The following RPS6KC1 variants were observed in gnomAD, a reference collection of about 807,000 sequenced individuals.
RPS6KC1 encodes the protein ribosomal protein S6 kinase C1.
RPS6KC1 carries 54 observed loss-of-function variants against 103.8 expected under a neutral mutation model. That is an observed-to-expected ratio of 0.52 (90% CI 0.42 to 0.65). RPS6KC1 has a LOEUF of 0.65. Among genes scored for constraint, RPS6KC1 ranks in the 30% least tolerant of loss-of-function variants. The pLI, the probability that RPS6KC1 is intolerant of heterozygous loss-of-function variation, is 0.00. For missense variants in RPS6KC1, 1,151 were observed against 1,253.8 expected, an observed-to-expected ratio of 0.92 and a Z score of 1.24; for synonymous variants, 439 against 438.7, an observed-to-expected ratio of 1.00 and a Z score of -0.01.
the RPS6KC1 span, among the ~76,000 whole-genome samples, chr1:213,744,257 T>C: frequency 3.3e-5 from 5 of 152,026 alleles, no homozygotes; most frequent in Admixed American, 6.6e-5. Flanking sequence ...TGTTTATCCA[T>C]GTAAACAAAA....
chr1:213,785,046 T>A, the RPS6KC1 span, among the ~76,000 whole-genome samples: 1 of 152,222 alleles, frequency 6.6e-6, no homozygotes. Flanking sequence ...CATCTGTGCC[T>A]TGCTCTGATG....
intron 10 of RPS6KC1, among the ~76,000 whole-genome samples, chr1:213,233,261 G>A (rs759562408): frequency 1.3e-5 from 2 of 152,110 alleles, no homozygotes; most frequent in Non-Finnish European, 2.9e-5. Flanking sequence ...GGGGCTCTGT[G>A]GTCTCTCAGG....
At chr1:213,593,382 A>G in the RPS6KC1 span, among the ~76,000 whole-genome samples, 1 of 152,342 alleles carries the variant, frequency 6.6e-6, no homozygotes, top group African/African-American at 2.4e-5. Flanking sequence ...AGGGAGACCA[A>G]TTAGGAGGCT....
chr1:213,758,022 A>G, the RPS6KC1 span, among the ~76,000 whole-genome samples: 1 of 152,144 alleles, frequency 6.6e-6, no homozygotes, highest in African/African-American at 2.4e-5. Context: ...AATATTTTTA[A>G]TACTGCTCAT....
intron 8 of RPS6KC1, among the ~76,000 whole-genome samples, chr1:213,195,588 A>G (rs878975328): frequency 2.6e-5 from 4 of 152,014 alleles, no homozygotes; most frequent in African/African-American, 4.8e-5. Context: ...TACCCATTGT[A>G]TAGTCTTTTC....
chr1:213,733,117 T>G, the RPS6KC1 span, among the ~76,000 whole-genome samples: 1 of 152,258 alleles, frequency 6.6e-6, no homozygotes, highest in African/African-American at 2.4e-5. Flanking sequence ...GGAGTGCAGA[T>G]ACCTCTTTGA....
At chr1:213,142,802 G>C (rs936147626) in intron 6 of RPS6KC1, among the ~76,000 whole-genome samples, 1 of 151,946 alleles carries the variant, frequency 6.6e-6, no homozygotes, top group African/African-American at 2.4e-5. Flanking sequence ...TTAAATTAAG[G>C]TATGTACATT....
intron 6 of RPS6KC1, among the ~76,000 whole-genome samples, chr1:213,158,817 G>C (rs938859977): frequency 2.0e-5 from 3 of 152,058 alleles, no homozygotes; most frequent in African/African-American, 7.2e-5. Flanking sequence ...AGGAACCCTA[G>C]AAAACTAGTG....
chr1:213,470,913 C>T, the RPS6KC1 span, among the ~76,000 whole-genome samples: 1 of 152,080 alleles, frequency 6.6e-6, no homozygotes, highest in African/African-American at 2.4e-5. Flanking sequence ...GCCTGAGCCA[C>T]GATGCCTGGC....
At chr1:213,407,798 A>G in the RPS6KC1 span, among the ~76,000 whole-genome samples, 1 of 152,024 alleles carries the variant, frequency 6.6e-6, no homozygotes, top group Admixed American at 6.6e-5. Context: ...GGCTGCATGG[A>G]AGAGATATGT....
At chr1:213,278,920 G>A (rs949089535), downstream of RPS6KC1, among the ~76,000 whole-genome samples, 1 of 151,934 alleles carries the variant, frequency 6.6e-6, no homozygotes, top group African/African-American at 2.4e-5. Context: ...TGGAGAGAAG[G>A]AAAGTTCTCG....
At chr1:213,279,473 G>T (rs2095118603), downstream of RPS6KC1, among the ~76,000 whole-genome samples, 1 of 152,126 alleles carries the variant, frequency 6.6e-6, no homozygotes, top group Admixed American at 6.5e-5. Context: ...TTCCCCCATT[G>T]GTTGATAATG....
the RPS6KC1 span, among the ~76,000 whole-genome samples, chr1:213,806,353 T>TAAAAAG: frequency 1.3e-5 from 2 of 151,610 alleles, no homozygotes; most frequent in Admixed American, 6.6e-5. Context: ...ATAAATAAAA[T>TAAAAAG]AAAAAGAAAA....
chr1:213,715,355 G>T, the RPS6KC1 span, among the ~76,000 whole-genome samples: 1 of 152,162 alleles, frequency 6.6e-6, no homozygotes, highest in Admixed American at 6.5e-5. Context: ...CTTCATAGCG[G>T]GTAAGACCAT....
intron 14 of RPS6KC1, among the ~76,000 whole-genome samples, chr1:213,267,417 A>C (rs1406535656): frequency 1.3e-5 from 2 of 152,098 alleles, no homozygotes; most frequent in Non-Finnish European, 2.9e-5. Flanking sequence ...ATCCAACAGC[A>C]ATGATAAACT....
the RPS6KC1 span, among the ~76,000 whole-genome samples, chr1:213,439,733 C>G: frequency 6.6e-6 from 1 of 151,974 alleles, no homozygotes; most frequent in Non-Finnish European, 1.5e-5. Context: ...TCTTATTATC[C>G]TGTTATCACT....
chr1:213,052,946 A>G (rs1239926558), intron 1 of RPS6KC1, among the ~76,000 whole-genome samples: 2 of 152,218 alleles, frequency 1.3e-5, no homozygotes, highest in African/African-American at 4.8e-5. Context: ...GGAGGGATAG[A>G]TGAACATGTC....
At chr1:213,121,341 A>C (rs1289055234) in intron 5 of RPS6KC1, among the ~76,000 whole-genome samples, 1 of 152,238 alleles carries the variant, frequency 6.6e-6, no homozygotes, top group Non-Finnish European at 1.5e-5. Flanking sequence ...AGTTTGTTTA[A>C]TATGAAATTG....
Position 213,129,813 on chromosome 1 carries a change from G to GGAA in RPS6KC1, c.768_770dup (p.Glu256dup). ...AATTAATAAAGCTGGCTTTAAAAAAGGAAGAAGAAGACGACTATGAAGCTG... is the reference window on the plus strand; with the variant it reads ...AATTAATAAAGCTGGCTTTAAAAAAGGAAGAAGAAGAAGACGACTATGAAGCTG... On this transcript the variant is annotated inframe_insertion, in exon 6 of 15. Transcript: ENST00000366960. 6.2e-7 allele frequency: 1 copy of GGAA among 1,613,568 alleles called. No homozygotes were observed. Among genetic ancestry groups the GGAA allele is most frequent in the East Asian group, 2.2e-5 (1 of 44,880 alleles).
Sources: allele counts gnomAD v4.1 joint callset (sites outside exome capture counted in the v4.1 genomes callset), GRCh38; gene constraint gnomAD v4.1.1; transcripts MANE v1.5; gene names NCBI Gene and HGNC (gene_info 2026-07-23, HGNC 2026-07-21).